PIK3C2G: variants seen among roughly 807,000 people sequenced by gnomAD.
PIK3C2G encodes phosphatidylinositol 3-kinase C2 domain-containing subunit gamma.
In PIK3C2G, 168 loss-of-function variants were observed where a neutral mutation model predicts 181.1. That is an observed-to-expected ratio of 0.93 (90% CI 0.82 to 1.05). PIK3C2G has a LOEUF of 1.05. PIK3C2G is among the 50% of genes least tolerant of loss of function. PIK3C2G has a pLI of 0.00. For missense variants in PIK3C2G, 1,869 were observed against 1,732.8 expected, an observed-to-expected ratio of 1.08 and a Z score of -1.40; for synonymous variants, 573 against 592.2, an observed-to-expected ratio of 0.97 and a Z score of 0.47.
chr12:18,619,443 T>C (rs1948746692), intron 31 of PIK3C2G, among the ~76,000 whole-genome samples: 2 of 152,160 alleles, frequency 1.3e-5, no homozygotes, highest in African/African-American at 4.8e-5. Flanking sequence ...TTCTAATTTC[T>C]TAAGACGGAA....
chr12:18,488,380 G>C (rs1383821686), intron 18 of PIK3C2G, 69 bp from the exon 19 acceptor site: 6 of 1,080,222 alleles, frequency 5.6e-6, no homozygotes, highest in Non-Finnish European at 7.6e-6. Context: ...TGCACTTACT[G>C]TTCCGGCTGG....
intron 18 of PIK3C2G, among the ~76,000 whole-genome samples, chr12:18,428,586 A>C (rs924342401): frequency 6.6e-6 from 1 of 152,170 alleles, no homozygotes; most frequent in African/African-American, 2.4e-5. Flanking sequence ...AGTGATCAGA[A>C]AGTTGCCTCA....
At chr12:18,447,563 T>C (rs1592281400) in intron 18 of PIK3C2G, among the ~76,000 whole-genome samples, 2 of 152,286 alleles carry the variant, frequency 1.3e-5, no homozygotes, top group East Asian at 1.9e-4. Context: ...TTCACGGTAA[T>C]GGAAAAGCAA....
chr12:18,622,200 A>G (rs1948893112), intron 31 of PIK3C2G, among the ~76,000 whole-genome samples: 1 of 151,832 alleles, frequency 6.6e-6, no homozygotes. Context: ...ACCTTTGACT[A>G]TCATTTCCCC....
At chr12:18,620,224 A>G (rs1218770459) in intron 31 of PIK3C2G, among the ~76,000 whole-genome samples, 1 of 152,102 alleles carries the variant, frequency 6.6e-6, no homozygotes, top group African/African-American at 2.4e-5. Context: ...TCTACGAATA[A>G]TTAAGAGAAA....
At position 18,373,831 on chromosome 12, in the gene PIK3C2G, C is replaced by T. The variant is rs1055402808; in HGVS notation, c.1880+2520C>T. ...TGGTGCCACTGCACTCCAGCCTGGG[C>T]GACAGAGCGAGACTCCGTCTAAAAA... is the stretch of plus-strand genomic sequence containing the variant. On this transcript the variant is annotated intron_variant, in intron 13 of 32. Coordinates refer to ENST00000538779, the MANE Select transcript of PIK3C2G (RefSeq NM_001288772.2). Among the ~76,000 whole-genome samples the T allele has an allele frequency of 2.0e-4, 30 of 151,072 alleles. No homozygotes were observed. In the Middle Eastern group the frequency reaches 0.014, roughly 69 times the overall value.
At chr12:18,266,823 C>T (rs1358569424) in intron 1 of PIK3C2G, among the ~76,000 whole-genome samples, 1 of 151,714 alleles carries the variant, frequency 6.6e-6, no homozygotes, top group African/African-American at 2.4e-5. Context: ...CTCTCCCTCC[C>T]TCCCTTCTTC....
rs1366054429 is a variant in PIK3C2G, at chr12:18,433,438, A to C, written c.2504+9399A>C. Among the ~76,000 whole-genome samples the C allele has an allele frequency of 8.5e-5, 13 of 152,124 alleles. 1 individual carries two copies. The highest frequency in any genetic ancestry group is 8.5e-4 in the Admixed American group (13 of 15,274). On this transcript the variant is annotated intron_variant, in intron 18 of 32. Coordinates refer to ENST00000538779, the MANE Select transcript of PIK3C2G (RefSeq NM_001288772.2). ...TGAGGCAGGAGGCTGAGGCAGGAGA[A>C]TCACTTGAACCCAGGAGGCGGAGGT...
chr12:18,650,712 CTATATATA>C (rs1157799425), downstream of PIK3C2G, among the ~76,000 whole-genome samples: 936 of 13,986 alleles, frequency 0.067, 13 homozygotes, highest in Non-Finnish European at 0.094. Flanking sequence ...GTGTATATAT[CTATATATA>C]TATATATATA....
intron 18 of PIK3C2G, among the ~76,000 whole-genome samples, chr12:18,445,057 G>C (rs1946950716): frequency 6.6e-6 from 1 of 152,016 alleles, no homozygotes; most frequent in Non-Finnish European, 1.5e-5. Flanking sequence ...ATTATTTAAT[G>C]AATGGTGTTT....
intron 16 of PIK3C2G, among the ~76,000 whole-genome samples, chr12:18,415,254 T>C (rs1314436017): frequency 1.3e-5 from 2 of 152,180 alleles, no homozygotes. Flanking sequence ...TGTGCTTACT[T>C]TGTGTAACTA....
Position 18,318,612 on chromosome 12 carries a change from G to A in PIK3C2G, c.1138-2350G>A, listed in dbSNP as rs75739461. 3.3e-3 allele frequency among the ~76,000 whole-genome samples: 494 copies of A among 151,820 alleles called. 3 individuals carry two copies. The highest frequency in any genetic ancestry group is 0.011 in the African/African-American group (471 of 41,440). Reference sequence around the variant, plus strand: ...ATAGTATTTTTTTCACATAATACTAGGAATATGACTATCATCATTATATTA... The same window carrying A: ...ATAGTATTTTTTTCACATAATACTAAGAATATGACTATCATCATTATATTA... On this transcript the variant is annotated intron_variant, in intron 6 of 32. Coordinates refer to ENST00000538779, the MANE Select transcript of PIK3C2G (RefSeq NM_001288772.2).
chr12:18,518,272 C>T (rs1348980104), intron 24 of PIK3C2G, among the ~76,000 whole-genome samples: 2 of 152,196 alleles, frequency 1.3e-5, no homozygotes, highest in African/African-American at 4.8e-5. Context: ...GGAGAAGTCC[C>T]ACCTTCTAAA....
At position 18,371,205 on chromosome 12, in the gene PIK3C2G, T is replaced by C; in HGVS notation, c.1774T>C (p.Ser592Pro). 6.2e-7 allele frequency: 1 copy of C among 1,610,246 alleles called. No homozygotes were observed. Among genetic ancestry groups the C allele is most frequent in the Non-Finnish European group, 8.5e-7 (1 of 1,177,960 alleles). Residue 592 changes from serine to proline, a missense_variant, in exon 13 of 33, where the codon TCA (serine) becomes CCA (proline). Physicochemically the swap from Ser to Pro is moderately conservative, Grantham distance 74 (BLOSUM62 -1). Transcript: ENST00000538779. ...GATCAATTTTCCCCTTGAAATAAAGTCACTTCCAAGGGAATCCATGCTCAC... is the reference window on the plus strand; with the variant it reads ...GATCAATTTTCCCCTTGAAATAAAGCCACTTCCAAGGGAATCCATGCTCAC... ...ETINFPLEIK[S>P]LPRESMLTVK... is the part of the protein sequence containing the mutation.
intron 25 of PIK3C2G, among the ~76,000 whole-genome samples, chr12:18,540,368 G>C (rs776392732): frequency 2.4e-4 from 36 of 151,784 alleles, no homozygotes; most frequent in Non-Finnish European, 4.4e-4. Flanking sequence ...AAACAGAAAA[G>C]CACAAATATA....
At chr12:18,350,017 A>T (rs1940075242) in intron 11 of PIK3C2G, among the ~76,000 whole-genome samples, 1 of 152,174 alleles carries the variant, frequency 6.6e-6, no homozygotes. Context: ...ACTGAGGGCA[A>T]AAATGTAAGC....
intron 12 of PIK3C2G, among the ~76,000 whole-genome samples, chr12:18,368,014 C>G (rs559692811): frequency 3.4e-4 from 52 of 152,254 alleles, no homozygotes; most frequent in African/African-American, 1.2e-3. Context: ...GAAGCTGCCA[C>G]TTAGAAAACC....
chr12:18,601,483 G>C (rs539804769), intron 30 of PIK3C2G, among the ~76,000 whole-genome samples: 14 of 152,202 alleles, frequency 9.2e-5, no homozygotes, highest in Admixed American at 8.5e-4. Flanking sequence ...GGGTAAAGGA[G>C]AGATGGAGAG....
chr12:18,279,748 GTAGA>G (rs1294807226), intron 1 of PIK3C2G, among the ~76,000 whole-genome samples: 1 of 151,896 alleles, frequency 6.6e-6, no homozygotes, highest in Non-Finnish European at 1.5e-5. Flanking sequence ...GGCATTTCAG[GTAGA>G]TAATGATATA....
Sources: gnomAD v4.1 joint callset for allele counts (sites outside exome capture counted in the v4.1 genomes callset) on GRCh38, gnomAD v4.1.1 for gene constraint, MANE v1.5 for transcripts, NCBI Gene and HGNC (gene_info 2026-07-23, HGNC 2026-07-21) for gene names.